Variants in TENM3 observed in about 807,000 individuals in gnomAD.
TENM3 encodes the protein teneurin-3.
A neutral mutation model predicts 255.1 loss-of-function variants in TENM3; 63 were observed. The ratio of observed to expected loss-of-function variants is 0.25; its 90% CI spans 0.20 to 0.30. TENM3 has a LOEUF of 0.30. Ranked by LOEUF, TENM3 falls within the 10% of genes least tolerant of loss-of-function variation. The pLI, the probability that TENM3 is intolerant of heterozygous loss-of-function variation, is 1.00. For missense variants in TENM3, 2,929 were observed against 3,461.1 expected (o/e 0.85, Z 3.86); for synonymous variants, 1,306 against 1,322.3 (o/e 0.99, Z 0.27).
chr4:182,705,430 C>T (rs1758202708), intron 12 of TENM3, among the ~76,000 whole-genome samples: 1 of 152,180 alleles, frequency 6.6e-6, no homozygotes, highest in Non-Finnish European at 1.5e-5. Flanking sequence ...GGATTCAAGC[C>T]AGTAGCCCGG....
At chr4:181,641,805 CATATATAT>C in the TENM3 span, among the ~76,000 whole-genome samples, 300 of 31,432 alleles carry the variant, frequency 9.5e-3, 4 homozygotes, top group South Asian at 0.023. Context: ...ACACACACAC[CATATATAT>C]ATATATATAT....
intron 1 of TENM3, among the ~76,000 whole-genome samples, chr4:182,174,101 A>G (rs1752286946): frequency 6.6e-6 from 1 of 152,164 alleles, no homozygotes; most frequent in South Asian, 2.1e-4. Flanking sequence ...TAATTTACTT[A>G]AACACTGTGC....
the TENM3 span, among the ~76,000 whole-genome samples, chr4:181,606,937 G>A: frequency 6.6e-6 from 1 of 152,146 alleles, no homozygotes; most frequent in Non-Finnish European, 1.5e-5. Flanking sequence ...ACACCGCTTG[G>A]CTGAGAATAG....
chr4:181,553,164 G>A, the TENM3 span, among the ~76,000 whole-genome samples: 30 of 151,870 alleles, frequency 2.0e-4, no homozygotes, highest in Non-Finnish European at 4.1e-4. Context: ...GGGACAATTA[G>A]GCTAGTCTCT....
chr4:182,654,652 C>A (rs1316750389), intron 6 of TENM3, among the ~76,000 whole-genome samples: 1 of 151,876 alleles, frequency 6.6e-6, no homozygotes, highest in Non-Finnish European at 1.5e-5. Context: ...AAATTATTTC[C>A]CTTTAAGCAT....
At chr4:182,446,997 C>T (rs1189018440) in intron 3 of TENM3, among the ~76,000 whole-genome samples, 2 of 151,998 alleles carry the variant, frequency 1.3e-5, no homozygotes, top group African/African-American at 4.8e-5. Flanking sequence ...TTTGCAGTGC[C>T]CAACAACATA....
the TENM3 span, among the ~76,000 whole-genome samples, chr4:181,977,772 G>A: frequency 6.6e-6 from 1 of 152,140 alleles, no homozygotes; most frequent in Admixed American, 6.5e-5. Flanking sequence ...TCTTACCTGG[G>A]ACCAATCTTT....
the TENM3 span, among the ~76,000 whole-genome samples, chr4:181,564,614 G>A: frequency 6.6e-6 from 1 of 151,962 alleles, no homozygotes; most frequent in African/African-American, 2.4e-5. Context: ...CATGAAAAGG[G>A]GTCTTCGTCA....
chr4:182,362,449 A>G (rs6552557), intron 3 of TENM3, among the ~76,000 whole-genome samples: 148,175 of 151,286 alleles, frequency 0.98, 72,626 homozygotes, highest in Middle Eastern at 1. Flanking sequence ...CCCCAGCCTC[A>G]CTGCCACCTT....
At chr4:182,693,971 A>T (rs1686508052) in intron 12 of TENM3, among the ~76,000 whole-genome samples, 1 of 152,238 alleles carries the variant, frequency 6.6e-6, no homozygotes, top group Non-Finnish European at 1.5e-5. Context: ...TGTCCAGGAC[A>T]TTTACTTTAA....
the TENM3 span, among the ~76,000 whole-genome samples, chr4:181,849,826 CA>C: frequency 6.6e-6 from 1 of 151,956 alleles, no homozygotes; most frequent in Non-Finnish European, 1.5e-5. Context: ...AATGAAAGAC[CA>C]AAATTAATGT....
At position 182,754,063 on chromosome 4, in the gene TENM3, T is replaced by C. The variant is rs1762553864; in HGVS notation, c.4018-322T>C. ...ATTCATAACCTAGAAAGCCCCAACA[T>C]TTGGTGGTTATTGCTGCCATAAGGA... On this transcript the variant is annotated intron_variant, in intron 21 of 27. Transcript: ENST00000511685. The surrounding 1 kb of genome is among the most constrained non-coding windows in gnomAD (Gnocchi z 5.1). 6.6e-6 allele frequency among the ~76,000 whole-genome samples: 1 copy of C among 152,158 alleles called. No individual in the cohort carries two copies. Among genetic ancestry groups the C allele is most frequent in the Non-Finnish European group, 1.5e-5 (1 of 68,018 alleles).
chr4:182,595,873 ATAT>A (rs1396855927), intron 3 of TENM3, among the ~76,000 whole-genome samples: 20 of 150,838 alleles, frequency 1.3e-4, no homozygotes, highest in South Asian at 1.0e-3. Context: ...TAATTTTTAA[ATAT>A]TATTTTATAG....
At chr4:181,640,933 A>G in the TENM3 span, among the ~76,000 whole-genome samples, 1 of 152,322 alleles carries the variant, frequency 6.6e-6, no homozygotes, top group East Asian at 1.9e-4. Flanking sequence ...ACTGAGCCCC[A>G]TGTAGTATCA....
the TENM3 span, among the ~76,000 whole-genome samples, chr4:181,925,915 T>C: frequency 6.6e-6 from 1 of 152,206 alleles, no homozygotes; most frequent in East Asian, 1.9e-4. Context: ...ATTCTAGAGA[T>C]TGGGAAAGAT....
At chr4:182,162,209 A>T (rs982936911) in intron 1 of TENM3, among the ~76,000 whole-genome samples, 10 of 151,976 alleles carry the variant, frequency 6.6e-5, no homozygotes, top group Admixed American at 2.0e-4. Context: ...CTGAAAGCAA[A>T]TTTTAAACAT....
At chr4:182,702,741 T>C (rs1025918995) in intron 12 of TENM3, among the ~76,000 whole-genome samples, 15 of 151,780 alleles carry the variant, frequency 9.9e-5, no homozygotes, top group African/African-American at 3.6e-4. Flanking sequence ...CTCTTTTTTT[T>C]TTTTTTCTTT....
chr4:181,724,421 A>G, the TENM3 span, among the ~76,000 whole-genome samples: 4 of 151,892 alleles, frequency 2.6e-5, no homozygotes, highest in Non-Finnish European at 2.9e-5. Context: ...TCCAACTCAA[A>G]TTATCTCAAT....
chr4:182,289,212 G>A (rs1388273377), intron 1 of TENM3, among the ~76,000 whole-genome samples: 1 of 152,198 alleles, frequency 6.6e-6, no homozygotes, highest in Admixed American at 6.5e-5. Flanking sequence ...CCTGGGCGAG[G>A]GTGAGATGCT....
Sources: gnomAD v4.1 joint callset for allele counts (sites outside exome capture counted in the v4.1 genomes callset) on GRCh38, gnomAD v4.1.1 for gene constraint, Gnocchi (gnomAD v3.1) non-coding constraint, MANE v1.5 for transcripts, NCBI Gene and HGNC (gene_info 2026-07-23, HGNC 2026-07-21) for gene names.